Variants in CPQ observed in about 807,000 individuals in gnomAD.
The protein encoded by CPQ is Ser-Met dipeptidase.
CPQ carries 37 observed loss-of-function variants against 45.7 expected under a neutral mutation model. That is an observed-to-expected ratio of 0.81 (90% CI 0.62 to 1.07). The LOEUF is 1.07. Ranked by LOEUF, CPQ falls within the 50% of genes least tolerant of loss-of-function variation. The pLI, the probability that CPQ is intolerant of heterozygous loss-of-function variation, is 0.00. For missense variants in CPQ, 537 were observed against 572.9 expected (o/e 0.94, Z 0.64); for synonymous variants, 186 against 205.8 (o/e 0.90, Z 0.82).
intron 5 of CPQ, among the ~76,000 whole-genome samples, chr8:97,014,994 C>T (rs1809554791): frequency 6.6e-6 from 1 of 152,066 alleles, no homozygotes; most frequent in Non-Finnish European, 1.5e-5. Flanking sequence ...GTTGGAGATG[C>T]ATTACTTTTT....
chr8:96,785,360 A>G (rs1399070099), intron 2 of CPQ, 30 bp downstream of exon 2: 5 of 1,523,010 alleles, frequency 3.3e-6, no homozygotes, highest in Non-Finnish European at 3.6e-6. Flanking sequence ...TTTGATTTGT[A>G]TTTTATAAAA....
At chr8:97,058,271 A>C (rs1005443683) in intron 6 of CPQ, among the ~76,000 whole-genome samples, 3 of 152,018 alleles carry the variant, frequency 2.0e-5, no homozygotes, top group Non-Finnish European at 4.4e-5. Flanking sequence ...GATGAGTACT[A>C]TTTTTTTAAA....
At chr8:97,065,685 G>A (rs1440029535) in intron 6 of CPQ, among the ~76,000 whole-genome samples, 2 of 152,198 alleles carry the variant, frequency 1.3e-5, no homozygotes, top group East Asian at 3.8e-4. Context: ...GGAACACAGT[G>A]AACACTTAAG....
intron 2 of CPQ, among the ~76,000 whole-genome samples, chr8:96,797,902 T>A (rs1810955576): frequency 6.6e-6 from 1 of 151,888 alleles, no homozygotes; most frequent in Non-Finnish European, 1.5e-5. Context: ...ATACAAAAAA[T>A]TAGCCAGGCG....
At chr8:97,089,587 C>A (rs918229163) in intron 7 of CPQ, among the ~76,000 whole-genome samples, 18 of 152,278 alleles carry the variant, frequency 1.2e-4, no homozygotes, top group South Asian at 4.2e-4. Flanking sequence ...CTCTTGAGAT[C>A]CCTTTCTGCT....
chr8:97,033,754 ATTCT>A (rs1809949874), intron 6 of CPQ, among the ~76,000 whole-genome samples: 1 of 152,058 alleles, frequency 6.6e-6, no homozygotes, highest in Admixed American at 6.6e-5. Flanking sequence ...TGAATGTAAC[ATTCT>A]TTCTTCCCCC....
chr8:96,862,284 TTGTGTGTGTG>T (rs34611818), intron 3 of CPQ, among the ~76,000 whole-genome samples: 11 of 141,098 alleles, frequency 7.8e-5, no homozygotes, highest in South Asian at 2.3e-4. Flanking sequence ...ATTTTTGCAT[TTGTGTGTGTG>T]TGTGTGTGTG....
At chr8:96,789,769 T>C (rs1192602217) in intron 2 of CPQ, among the ~76,000 whole-genome samples, 1 of 152,214 alleles carries the variant, frequency 6.6e-6, no homozygotes, top group Non-Finnish European at 1.5e-5. Flanking sequence ...CAGAATAGCT[T>C]ATTTTTTAGC....
At chr8:97,004,463 T>C (rs757055098) in intron 5 of CPQ, among the ~76,000 whole-genome samples, 47 of 152,166 alleles carry the variant, frequency 3.1e-4, no homozygotes, top group Non-Finnish European at 3.2e-4. Context: ...GAAAATAATT[T>C]GGTACCAACT....
chr8:96,966,447 T>C (rs978346438), intron 5 of CPQ, among the ~76,000 whole-genome samples: 10 of 152,308 alleles, frequency 6.6e-5, no homozygotes, highest in African/African-American at 2.4e-4. Flanking sequence ...CTTTCCATCA[T>C]AGAAATAAAA....
chr8:96,920,343 G>A (rs979361033), intron 4 of CPQ, among the ~76,000 whole-genome samples: 7 of 152,108 alleles, frequency 4.6e-5, no homozygotes, highest in African/African-American at 1.4e-4. Flanking sequence ...ATGATCTAAA[G>A]TCCATTAGCT....
At chr8:96,862,941 T>C (rs1811946741) in intron 3 of CPQ, among the ~76,000 whole-genome samples, 1 of 152,046 alleles carries the variant, frequency 6.6e-6, no homozygotes, top group Admixed American at 6.6e-5. Flanking sequence ...CCTAGCAATA[T>C]TGGAGGGATG....
Position 97,143,295 on chromosome 8 carries a change from C to A in CPQ, c.*112C>A. 1 of 966,718 alleles carries A rather than the reference C, an allele frequency of 1.0e-6. No homozygotes were observed. The highest frequency in any genetic ancestry group is 1.5e-6 in the Non-Finnish European group (1 of 648,862). 59.9% of individuals were successfully genotyped at this position (966,718 alleles called of 1,614,324 possible). On this transcript the variant is annotated 3_prime_UTR_variant, in exon 8 of 8. Coordinates refer to ENST00000220763, the MANE Select transcript of CPQ (RefSeq NM_016134.4). ...CATCCAATTCATCTTCAAAGCACAACTCTATTTCATGCTTTCTGTTATTAT... is the reference window on the plus strand; with the variant it reads ...CATCCAATTCATCTTCAAAGCACAAATCTATTTCATGCTTTCTGTTATTAT...
intron 2 of CPQ, among the ~76,000 whole-genome samples, chr8:96,801,901 G>A (rs952135871): frequency 1.3e-5 from 2 of 152,136 alleles, no homozygotes; most frequent in African/African-American, 4.8e-5. Flanking sequence ...TGAATGAATT[G>A]CAAAATCGTG....
chr8:96,854,541 A>AG (rs1563513660), intron 3 of CPQ, among the ~76,000 whole-genome samples: 6 of 107,404 alleles, frequency 5.6e-5, no homozygotes, highest in African/African-American at 1.6e-4. Flanking sequence ...AAAAAAAAAA[A>AG]AAAAAAAAAA....
rs182527391 is a variant in CPQ, at chr8:96,720,274, T to A, written c.-34-64590T>A. Reference sequence around the variant, plus strand: ...GGGATTGGTTTCTATTGATTACTTTTTTAAAAAAAACTGTGGATCACGTGT... The same window carrying A: ...GGGATTGGTTTCTATTGATTACTTTATTAAAAAAAACTGTGGATCACGTGT... On this transcript the variant is annotated intron_variant, in intron 1 of 7. Coordinates refer to ENST00000220763, the MANE Select transcript of CPQ (RefSeq NM_016134.4). Among the ~76,000 whole-genome samples, 238 of 145,834 alleles carry A rather than the reference T, an allele frequency of 1.6e-3. 2 individuals carry two copies. The highest frequency in any genetic ancestry group is 6.4e-3 in the African/African-American group (226 of 35,484).
At chr8:97,057,808 T>C (rs1354669662) in intron 6 of CPQ, among the ~76,000 whole-genome samples, 2 of 152,060 alleles carry the variant, frequency 1.3e-5, no homozygotes, top group Non-Finnish European at 2.9e-5. Flanking sequence ...AAGGCAGGCA[T>C]TTAAAAAAAA....
intron 1 of CPQ, among the ~76,000 whole-genome samples, chr8:96,675,714 C>T (rs1809068978): frequency 6.6e-6 from 1 of 152,016 alleles, no homozygotes; most frequent in African/African-American, 2.4e-5. Flanking sequence ...ATATCAAAAA[C>T]TTAGTAATGT....
intron 7 of CPQ, among the ~76,000 whole-genome samples, chr8:97,106,156 T>C (rs1487411167): frequency 6.6e-6 from 1 of 152,212 alleles, no homozygotes; most frequent in Non-Finnish European, 1.5e-5. Flanking sequence ...GATTGTTTGT[T>C]TCCTTAATTT....
Sources: allele counts gnomAD v4.1 joint callset (sites outside exome capture counted in the v4.1 genomes callset), GRCh38; gene constraint gnomAD v4.1.1; transcripts MANE v1.5; gene names NCBI Gene and HGNC (gene_info 2026-07-23, HGNC 2026-07-21).